Variants in EEA1 observed in about 807,000 individuals in gnomAD.
EEA1 encodes the protein early endosome antigen 1, 162kD.
In EEA1, 111 loss-of-function variants were observed where a neutral mutation model predicts 209.2. The observed-to-expected ratio is 0.53, with a 90% CI of 0.45 to 0.62. EEA1 has a LOEUF of 0.62. Among genes scored for constraint, EEA1 ranks in the 20% least tolerant of loss-of-function variants. EEA1 has a pLI of 0.00. For synonymous variants in EEA1, 536 were observed against 540.6 expected (o/e 0.99, Z 0.12); for missense variants, 1,343 against 1,530.8 (o/e 0.88, Z 2.05).
chr12:92,795,589 G>A lies in EEA1; in HGVS notation c.2967+3303C>T, dbSNP rs556944602. Among the ~76,000 whole-genome samples, 5 of 152,290 alleles carry A rather than the reference G, an allele frequency of 3.3e-5. No homozygotes were observed. In the South Asian group the frequency reaches 1.0e-3, roughly 32 times the overall value. ...AAGAGAAAAAGAAAGTCTGGACTAA[G>A]GCTGTAGCAGTGGAAAATGAGAAGG... On this transcript the variant is annotated intron_variant, in intron 21 of 28. Transcript: ENST00000322349.
At position 92,929,095 on chromosome 12, in the gene EEA1, G is replaced by T; in HGVS notation, c.-29C>A. The T allele has an allele frequency of 6.3e-7, 1 of 1,584,330 alleles. No individual in the cohort carries two copies. The highest frequency in any genetic ancestry group is 8.6e-7 in the Non-Finnish European group (1 of 1,166,198). On this transcript the variant is annotated 5_prime_UTR_variant, in exon 1 of 29. Coordinates refer to ENST00000322349, the MANE Select transcript of EEA1 (RefSeq NM_003566.4). Reference sequence around the variant, plus strand: ...TTAACCACCACCCGGCGCCGCCGCGGTGACTCTCCAGACCCTGCGCGGGGC... The same window carrying T: ...TTAACCACCACCCGGCGCCGCCGCGTTGACTCTCCAGACCCTGCGCGGGGC...
In EEA1 at chr12:92,787,867, C is replaced by T. The variant is rs758103114; in HGVS notation, c.3150G>A (p.Lys1050=). 1 of 1,600,322 alleles carries T rather than the reference C, an allele frequency of 6.2e-7. No homozygotes were observed. Among genetic ancestry groups the T allele is most frequent in the Non-Finnish European group, 8.5e-7 (1 of 1,174,400 alleles). The change falls in exon 22 of 29, where the codon AAG becomes AAA. Residue 1050 remains lysine, a splice_region_variant and synonymous_variant. Coordinates refer to ENST00000322349, the MANE Select transcript of EEA1 (RefSeq NM_003566.4). The stretch of plus-strand genomic sequence containing the variant: ...TATGGTACAGTATAGTTTACTATAC[C>T]TTAAGATCTTGCCTGGTGGCTAGAA... The part of the protein sequence containing the change: ...SELLATRQDL[K]SVEEKLSLAQ...
At chr12:92,787,136 T>C (rs1251428742) in intron 22 of EEA1, among the ~76,000 whole-genome samples, 1 of 152,208 alleles carries the variant, frequency 6.6e-6, no homozygotes, top group East Asian at 1.9e-4. Context: ...TCTCAGAATT[T>C]TGCAATATGC....
chr12:92,885,241 T>TA (rs1879330557), intron 2 of EEA1, among the ~76,000 whole-genome samples: 1 of 152,078 alleles, frequency 6.6e-6, no homozygotes, highest in Non-Finnish European at 1.5e-5. Context: ...AACTACACGC[T>TA]ATAAAATATA....
At chr12:92,786,463 A>G (rs1283798579) in intron 22 of EEA1, among the ~76,000 whole-genome samples, 1 of 152,144 alleles carries the variant, frequency 6.6e-6, no homozygotes, top group Non-Finnish European at 1.5e-5. Flanking sequence ...AGATAGATAC[A>G]TAGATAGATA....
intron 20 of EEA1, among the ~76,000 whole-genome samples, chr12:92,801,000 T>C (rs898444238): frequency 2.6e-5 from 4 of 152,200 alleles, no homozygotes; most frequent in Non-Finnish European, 4.4e-5. Flanking sequence ...GAAAGTTGCA[T>C]ACCTAGACTC....
intron 1 of EEA1, chr12:92,905,612 A>C (rs1880348768): frequency 6.6e-6 from 1 of 152,144 alleles, no homozygotes; most frequent in Non-Finnish European, 1.5e-5. Flanking sequence ...TCAAAAAAAA[A>C]AGAACAGATG....
chr12:92,822,881 T>A (rs1357980875), intron 13 of EEA1, among the ~76,000 whole-genome samples: 1 of 152,146 alleles, frequency 6.6e-6, no homozygotes, highest in East Asian at 1.9e-4. Flanking sequence ...CATTCCCCTA[T>A]GAGATGGCCA....
chr12:92,861,436 CAA>C (rs1368786162), intron 3 of EEA1, among the ~76,000 whole-genome samples: 1 of 152,156 alleles, frequency 6.6e-6, no homozygotes, highest in Non-Finnish European at 1.5e-5. Flanking sequence ...GCCTGGGCAA[CAA>C]GTACAAAACT....
chr12:92,820,664 C>A (rs1047150890), intron 13 of EEA1, among the ~76,000 whole-genome samples: 1 of 151,878 alleles, frequency 6.6e-6, no homozygotes, highest in Non-Finnish European at 1.5e-5. Context: ...AAAACCTAGA[C>A]GACAGGTTGA....
At chr12:92,798,344 TA>T (rs1355605768) in intron 21 of EEA1, among the ~76,000 whole-genome samples, 1 of 134,496 alleles carries the variant, frequency 7.4e-6, no homozygotes. Flanking sequence ...ACATTATTAT[TA>T]TTATTATTTT....
chr12:92,846,579 T>C (rs1877395033), intron 9 of EEA1, among the ~76,000 whole-genome samples: 2 of 152,198 alleles, frequency 1.3e-5, no homozygotes, highest in Admixed American at 6.5e-5. Context: ...CAAATATAAG[T>C]TGATTACAGC....
At chr12:92,875,800 G>T (rs1565845706) in intron 2 of EEA1, among the ~76,000 whole-genome samples, 1 of 152,100 alleles carries the variant, frequency 6.6e-6, no homozygotes, top group Non-Finnish European at 1.5e-5. Flanking sequence ...TGCTCACTAT[G>T]CTACAGCTAC....
intron 10 of EEA1, among the ~76,000 whole-genome samples, chr12:92,840,484 T>G (rs554230667): frequency 6.6e-6 from 1 of 152,300 alleles, no homozygotes; most frequent in Admixed American, 6.5e-5. Flanking sequence ...AGCTAATTTT[T>G]GTATTTTTAA....
chr12:92,920,902 GA>G (rs1203321344), intron 1 of EEA1, among the ~76,000 whole-genome samples: 27 of 150,422 alleles, frequency 1.8e-4, no homozygotes, highest in Admixed American at 1.8e-3. Flanking sequence ...AAATTTACAA[GA>G]AAAAAACAAA....
chr12:92,790,539 G>A (rs1255031722), intron 21 of EEA1, among the ~76,000 whole-genome samples: 3 of 152,138 alleles, frequency 2.0e-5, no homozygotes, highest in Non-Finnish European at 4.4e-5. Flanking sequence ...ATCAGTGATT[G>A]AAGATCAAAT....
intron 22 of EEA1, among the ~76,000 whole-genome samples, chr12:92,785,856 T>C (rs939036935): frequency 2.0e-5 from 3 of 152,152 alleles, no homozygotes; most frequent in African/African-American, 4.8e-5. Context: ...AGCTTTCTCT[T>C]TTTGCCCATA....
At chr12:92,795,470 A>G (rs189135210) in intron 21 of EEA1, among the ~76,000 whole-genome samples, 48 of 152,358 alleles carry the variant, frequency 3.2e-4, no homozygotes, top group African/African-American at 1.2e-3. Flanking sequence ...ATGGCATAAA[A>G]TAAGTGCCTA....
chr12:92,840,601 C>T (rs545195575), intron 10 of EEA1, among the ~76,000 whole-genome samples: 60 of 152,300 alleles, frequency 3.9e-4, no homozygotes, highest in Admixed American at 1.4e-3. Flanking sequence ...CGTGAGCCAC[C>T]GCACCTGGCC....
Sources: allele counts gnomAD v4.1 joint callset (sites outside exome capture counted in the v4.1 genomes callset), GRCh38; gene constraint gnomAD v4.1.1; transcripts MANE v1.5; gene names NCBI Gene and HGNC (gene_info 2026-07-23, HGNC 2026-07-21).